The following KIF6 variants were observed in gnomAD, a reference collection of about 807,000 sequenced individuals.
KIF6 encodes kinesin-like protein KIF6.
KIF6 carries 106 observed loss-of-function variants against 112.7 expected under a neutral mutation model. The ratio of observed to expected loss-of-function variants is 0.94; its 90% CI spans 0.80 to 1.11. The LOEUF is 1.11. Ranked by LOEUF, KIF6 falls within the 50% of genes least tolerant of loss-of-function variation. The pLI, the probability that KIF6 is intolerant of heterozygous loss-of-function variation, is 0.00. For synonymous variants in KIF6, 339 were observed against 339.9 expected (o/e 1.00, Z 0.03); for missense variants, 929 against 964.0 (o/e 0.96, Z 0.48).
chr6:39,420,989 C>T (rs1770321390), intron 14 of KIF6, among the ~76,000 whole-genome samples: 1 of 152,160 alleles, frequency 6.6e-6, no homozygotes, highest in Admixed American at 6.5e-5. Context: ...AGGACATGGC[C>T]TATGTGAGAA....
intron 13 of KIF6, among the ~76,000 whole-genome samples, chr6:39,492,870 A>G (rs1775552149): frequency 6.6e-6 from 1 of 152,176 alleles, no homozygotes; most frequent in Admixed American, 6.5e-5. Flanking sequence ...TTTTATAGAA[A>G]AAAATATAGT....
intron 3 of KIF6, among the ~76,000 whole-genome samples, chr6:39,676,990 A>G (rs1423422171): frequency 6.6e-6 from 1 of 152,124 alleles, no homozygotes; most frequent in African/African-American, 2.4e-5. Context: ...GCATAAGGAT[A>G]TAAGAAGCTT....
intron 13 of KIF6, among the ~76,000 whole-genome samples, chr6:39,538,575 T>C (rs1778588724): frequency 6.6e-6 from 1 of 151,634 alleles, no homozygotes; most frequent in African/African-American, 2.4e-5. Context: ...CAACAGGTGC[T>C]GGAGAGGATG....
intron 2 of KIF6, among the ~76,000 whole-genome samples, chr6:39,715,686 G>T (rs1489178351): frequency 6.6e-6 from 1 of 152,000 alleles, no homozygotes; most frequent in Non-Finnish European, 1.5e-5. Flanking sequence ...ATTTTCAGTA[G>T]CGACAGAGTT....
At chr6:39,441,392 T>C (rs1047122283) in intron 13 of KIF6, among the ~76,000 whole-genome samples, 10 of 152,324 alleles carry the variant, frequency 6.6e-5, no homozygotes, top group African/African-American at 2.2e-4. Flanking sequence ...CGGTGCCACC[T>C]GGTCCCATCG....
chr6:39,702,906 A>G (rs1788950324), intron 3 of KIF6, among the ~76,000 whole-genome samples: 1 of 134,322 alleles, frequency 7.4e-6, no homozygotes, highest in South Asian at 2.4e-4. Flanking sequence ...TTTGCATGCA[A>G]AAATTTGACA....
intron 5 of KIF6, among the ~76,000 whole-genome samples, chr6:39,627,633 T>G (rs1784158006): frequency 6.6e-6 from 1 of 152,174 alleles, no homozygotes; most frequent in African/African-American, 2.4e-5. Context: ...AATTTAACAT[T>G]TGGTGACTTT....
intron 10 of KIF6, among the ~76,000 whole-genome samples, chr6:39,570,177 C>T (rs530982524): frequency 1.3e-5 from 2 of 152,208 alleles, no homozygotes; most frequent in African/African-American, 4.8e-5. Context: ...AAAAGAAATG[C>T]CCCAAACCGA....
chr6:39,362,636 C>T, intron 16 of KIF6, 118 bp from the exon 17 acceptor site: 1 of 754,630 alleles, frequency 1.3e-6, no homozygotes, highest in Non-Finnish European at 2.3e-6. Flanking sequence ...TCTGTGAGTT[C>T]CTTCTGGGGC....
intron 3 of KIF6, among the ~76,000 whole-genome samples, chr6:39,696,147 G>A (rs1788524717): frequency 6.6e-6 from 1 of 152,110 alleles, no homozygotes; most frequent in Non-Finnish European, 1.5e-5. Flanking sequence ...TGGAGGGGAG[G>A]AAGGAGGAAG....
Position 39,335,867 on chromosome 6 carries a change from C to G in KIF6, c.*665G>C, listed in dbSNP as rs117842239. 1 of 152,426 alleles carries G rather than the reference C, an allele frequency of 6.6e-6. No homozygotes were observed. The highest frequency in any genetic ancestry group is 1.5e-5 in the Non-Finnish European group (1 of 68,198). The allele number at this position is 152,426 out of a possible 1,614,324, so 9.4% of individuals were successfully genotyped here. A position where few individuals can be genotyped will look rare whatever the true frequency, so the allele number is the denominator to read the frequency against. Reference sequence around the variant, plus strand: ...GCCCCTGGGAGCTGCCCACTGTTCTCTGGGTGCTATGATGTCCTTAGACCC... The same window carrying G: ...GCCCCTGGGAGCTGCCCACTGTTCTGTGGGTGCTATGATGTCCTTAGACCC... On this transcript the variant is annotated 3_prime_UTR_variant, in exon 23 of 23. Transcript: ENST00000287152.
chr6:39,711,081 C>G (rs1012315369), intron 3 of KIF6, among the ~76,000 whole-genome samples: 1 of 147,922 alleles, frequency 6.8e-6, no homozygotes, highest in Non-Finnish European at 1.5e-5. Flanking sequence ...AATGAGATCA[C>G]TTTAAAAAAA....
chr6:39,362,359 C>T (rs56003110), intron 17 of KIF6, 75 bp downstream of exon 17: 192,301 of 1,115,442 alleles, frequency 0.17, 18,789 homozygotes, highest in East Asian at 0.35. Context: ...TAGCTGCAGC[C>T]CTGGGAAGCT....
chr6:39,683,519 A>C (rs532019249), intron 3 of KIF6, among the ~76,000 whole-genome samples: 3 of 152,330 alleles, frequency 2.0e-5, no homozygotes, highest in African/African-American at 7.2e-5. Context: ...AGATGTCAAG[A>C]ATGTGACTAG....
intron 3 of KIF6, among the ~76,000 whole-genome samples, chr6:39,669,438 T>C (rs772970008): frequency 2.0e-5 from 3 of 152,264 alleles, no homozygotes; most frequent in Non-Finnish European, 2.9e-5. Context: ...AAAGCTGACC[T>C]GCATAATTCA....
chr6:39,676,480 A>T (rs1482934219), intron 3 of KIF6, among the ~76,000 whole-genome samples: 1 of 152,186 alleles, frequency 6.6e-6, no homozygotes, highest in Non-Finnish European at 1.5e-5. Context: ...AACTGAAACC[A>T]GAAAGAAGTG....
chr6:39,363,683 A>G (rs553085941), intron 16 of KIF6, among the ~76,000 whole-genome samples: 9 of 152,334 alleles, frequency 5.9e-5, no homozygotes, highest in Admixed American at 2.0e-4. Flanking sequence ...GCTACAGTCC[A>G]TGTGCTTCCA....
chr6:39,686,663 C>A (rs982158261), intron 3 of KIF6, among the ~76,000 whole-genome samples: 5 of 152,110 alleles, frequency 3.3e-5, no homozygotes, highest in African/African-American at 4.8e-5. Context: ...CCTAACCCCC[C>A]ACATTAGAAA....
chr6:39,388,166 G>A (rs1767577785), intron 15 of KIF6, among the ~76,000 whole-genome samples: 1 of 152,110 alleles, frequency 6.6e-6, no homozygotes, highest in East Asian at 1.9e-4. Context: ...GCTTCCTCAA[G>A]TCTGTGCCTC....
Sources: gnomAD v4.1 joint callset for allele counts (sites outside exome capture counted in the v4.1 genomes callset) on GRCh38, gnomAD v4.1.1 for gene constraint, MANE v1.5 for transcripts, NCBI Gene and HGNC (gene_info 2026-07-23, HGNC 2026-07-21) for gene names.